Variants in ADAMTSL1 observed in about 807,000 individuals in gnomAD.
ADAMTSL1 encodes the protein ADAMTS-like protein 1.
ADAMTSL1 carries 126 observed loss-of-function variants against 201.8 expected under a neutral mutation model. The observed-to-expected ratio is 0.62, with a 90% CI of 0.54 to 0.72. The LOEUF is 0.72. ADAMTSL1 is among the 30% of genes least tolerant of loss of function. The pLI, the probability that ADAMTSL1 is intolerant of heterozygous loss-of-function variation, is 0.00. For synonymous variants in ADAMTSL1, 1,121 were observed against 903.4 expected (o/e 1.24, Z -4.32); for missense variants, 2,679 against 2,277.8 (o/e 1.18, Z -3.59).
At chr9:18,396,022 C>T (rs1275435437) in intron 2 of ADAMTSL1, among the ~76,000 whole-genome samples, 2 of 152,170 alleles carry the variant, frequency 1.3e-5, no homozygotes, top group African/African-American at 4.8e-5. Flanking sequence ...TTGAAGTAGA[C>T]CATTGATGCT....
At chr9:18,023,070 A>G (rs945846967) in intron 1 of ADAMTSL1, among the ~76,000 whole-genome samples, 15 of 152,134 alleles carry the variant, frequency 9.9e-5, no homozygotes, top group Non-Finnish European at 1.9e-4. Flanking sequence ...GGAAATATTT[A>G]TAAAGTAGCT....
chr9:18,474,572 T>C (rs1361533), intron 1 of ADAMTSL1, among the ~76,000 whole-genome samples: 9,101 of 151,902 alleles, frequency 0.06, 846 homozygotes, highest in African/African-American at 0.2. Flanking sequence ...CTGCATGGAG[T>C]TTGGGAGCTG....
At chr9:17,951,567 C>G (rs1351410699) in intron 1 of ADAMTSL1, among the ~76,000 whole-genome samples, 1 of 151,400 alleles carries the variant, frequency 6.6e-6, no homozygotes, top group Non-Finnish European at 1.5e-5. Flanking sequence ...ATCCCTTTCT[C>G]TAGGTTTCTT....
At chr9:18,488,551 C>G (rs1219084450) in intron 1 of ADAMTSL1, among the ~76,000 whole-genome samples, 3 of 152,316 alleles carry the variant, frequency 2.0e-5, no homozygotes, top group African/African-American at 7.2e-5. Context: ...ACCAGTGTAA[C>G]CTTTCTGTCA....
chr9:18,059,840 T>C (rs1399897476), intron 1 of ADAMTSL1, among the ~76,000 whole-genome samples: 1 of 152,194 alleles, frequency 6.6e-6, no homozygotes, highest in African/African-American at 2.4e-5. Flanking sequence ...TTTAAGGCTG[T>C]CTTATAAATC....
chr9:18,655,370 C>T (rs1828559832), intron 7 of ADAMTSL1, among the ~76,000 whole-genome samples: 2 of 152,100 alleles, frequency 1.3e-5, no homozygotes, highest in African/African-American at 4.8e-5. Flanking sequence ...GAATTAGAAA[C>T]ACTGAAACAT....
At chr9:18,186,018 T>C (rs1410930514) in intron 2 of ADAMTSL1, among the ~76,000 whole-genome samples, 1 of 152,208 alleles carries the variant, frequency 6.6e-6, no homozygotes, top group Non-Finnish European at 1.5e-5. Flanking sequence ...CAGTGTGATA[T>C]GTCAAAATCC....
intron 1 of ADAMTSL1, among the ~76,000 whole-genome samples, chr9:17,972,660 G>A (rs1204972253): frequency 6.6e-6 from 1 of 151,510 alleles, no homozygotes; most frequent in Non-Finnish European, 1.5e-5. Flanking sequence ...ATGATTTATA[G>A]TCCTTTGGGT....
intron 2 of ADAMTSL1, among the ~76,000 whole-genome samples, chr9:18,380,573 C>CCAT (rs972395800): frequency 1.6e-4 from 24 of 152,050 alleles, no homozygotes; most frequent in African/African-American, 5.6e-4. Context: ...TCTGGTCATC[C>CCAT]CATCTGGGAA....
chr9:18,601,177 A>G (rs909464468), intron 4 of ADAMTSL1, among the ~76,000 whole-genome samples: 3 of 152,206 alleles, frequency 2.0e-5, no homozygotes, highest in Non-Finnish European at 4.4e-5. Context: ...TGAAATACAT[A>G]TACTCTATTT....
chr9:18,777,724 C>T lies in ADAMTSL1; in HGVS notation c.3495C>T (p.Thr1165=), dbSNP rs753926716. Residue 1165 remains threonine (T), a synonymous_variant, in exon 19 of 29, where the codon ACC becomes ACT. Transcript: ENST00000380548. ...CTCGAAGGCCACACCGCAAGCCCAC[C>T]ATCCTGCGCAAGATCTCAGCGGCCC... The part of the protein sequence containing the change: ...GGSRRPHRKP[T]ILRKISAAQQ... The T allele has an allele frequency of 3.2e-5, 52 of 1,613,422 alleles. No homozygotes were observed. The highest frequency in any genetic ancestry group is 4.4e-5 in the Non-Finnish European group (52 of 1,179,734).
Position 18,887,457 on chromosome 9 carries a change from A to G in ADAMTSL1, c.4250-374A>G, listed in dbSNP as rs368078216. Among the ~76,000 whole-genome samples, 13 of 152,328 alleles carry G rather than the reference A, an allele frequency of 8.5e-5. 1 individual carries two copies. Among genetic ancestry groups the G allele is most frequent in the Admixed American group, 7.2e-4 (11 of 15,302 alleles). ...ATATAGTATGGTATTTTTTCCCAAC[A>G]TATCGTATTTGAAGAAGGAATTTCT... On this transcript the variant is annotated intron_variant, in intron 23 of 28. Coordinates refer to ENST00000380548, the MANE Select transcript of ADAMTSL1 (RefSeq NM_001040272.6).
chr9:18,135,009 C>A (rs990987194), intron 1 of ADAMTSL1, among the ~76,000 whole-genome samples: 1 of 152,156 alleles, frequency 6.6e-6, no homozygotes, highest in African/African-American at 2.4e-5. Context: ...AACACGGGAT[C>A]AGACAAGGGA....
intron 2 of ADAMTSL1, among the ~76,000 whole-genome samples, chr9:18,439,323 G>C (rs766829098): frequency 1.8e-4 from 27 of 152,318 alleles, no homozygotes; most frequent in African/African-American, 6.0e-4. Context: ...CACCCAGTTT[G>C]GGGGAATATA....
At chr9:18,838,925 AT>A (rs1294499812) in intron 23 of ADAMTSL1, among the ~76,000 whole-genome samples, 2 of 151,360 alleles carry the variant, frequency 1.3e-5, no homozygotes, top group East Asian at 3.9e-4. Flanking sequence ...ATGTGGCTTA[AT>A]AAAAACAGTG....
rs1312794664 is a variant in ADAMTSL1, at chr9:18,616,552, A to G, written c.475-5691A>G. Among the ~76,000 whole-genome samples the G allele has an allele frequency of 5.3e-5, 8 of 152,256 alleles. No homozygotes were observed. In the East Asian group the frequency reaches 1.5e-3, roughly 29 times the overall value. ...TTATTCATTTATTACACAAATATTC[A>G]TTGTCTACTATAAAGAACACATTAT... On this transcript the variant is annotated intron_variant, in intron 4 of 28. Coordinates refer to ENST00000380548, the MANE Select transcript of ADAMTSL1 (RefSeq NM_001040272.6).
chr9:18,236,482 C>G (rs752398792), intron 2 of ADAMTSL1, among the ~76,000 whole-genome samples: 2 of 152,222 alleles, frequency 1.3e-5, no homozygotes, highest in Non-Finnish European at 1.5e-5. Flanking sequence ...AAGGCTAATA[C>G]TGTCCATATC....
At chr9:18,119,338 G>A (rs1179648725) in intron 1 of ADAMTSL1, among the ~76,000 whole-genome samples, 1 of 151,878 alleles carries the variant, frequency 6.6e-6, no homozygotes, top group Admixed American at 6.6e-5. Flanking sequence ...TGCCACCCAG[G>A]CTGGAGTAGA....
upstream of ADAMTSL1, among the ~76,000 whole-genome samples, chr9:18,472,567 T>C (rs537642787): frequency 9.8e-5 from 15 of 152,336 alleles, no homozygotes; most frequent in African/African-American, 3.6e-4. Context: ...CCATATGAAG[T>C]AGGTAACCTA....
Sources: gnomAD v4.1 joint callset for allele counts (sites outside exome capture counted in the v4.1 genomes callset) on GRCh38, gnomAD v4.1.1 for gene constraint, MANE v1.5 for transcripts, NCBI Gene and HGNC (gene_info 2026-07-23, HGNC 2026-07-21) for gene names.